KCNIP4: variants seen among roughly 807,000 people sequenced by gnomAD.
KCNIP4 encodes Kv channel-interacting protein 4.
KCNIP4 carries 12 observed loss-of-function variants against 34.0 expected under a neutral mutation model. The observed-to-expected ratio is 0.35, with a 90% CI of 0.23 to 0.57. The LOEUF is 0.57. Among genes scored for constraint, KCNIP4 ranks in the 20% least tolerant of loss-of-function variants. The probability of loss-of-function intolerance (pLI) is 0.83; values close to 1 mark genes in which losing one functional copy is unlikely to be tolerated. For missense variants in KCNIP4, 238 were observed against 311.7 expected (o/e 0.76, Z 1.78); for synonymous variants, 124 against 102.2 (o/e 1.21, Z -1.29).
intron 1 of KCNIP4, among the ~76,000 whole-genome samples, chr4:21,774,338 A>T (rs1719028524): frequency 6.6e-6 from 1 of 152,138 alleles, no homozygotes; most frequent in Non-Finnish European, 1.5e-5. Context: ...TTTGGAGGTG[A>T]CTTGGCCTTT....
chr4:21,141,155 A>G (rs1751920627), intron 1 of KCNIP4, among the ~76,000 whole-genome samples: 2 of 152,228 alleles, frequency 1.3e-5, no homozygotes, highest in African/African-American at 4.8e-5. Flanking sequence ...GAAGAGATGC[A>G]CATACCTTAG....
chr4:20,758,820 C>G lies in KCNIP4; in HGVS notation c.358+1G>C. 1 of 1,610,290 alleles carries G rather than the reference C, an allele frequency of 6.2e-7. No homozygotes were observed. Among genetic ancestry groups the G allele is most frequent in the Non-Finnish European group, 8.5e-7 (1 of 1,176,792 alleles). On this transcript the variant is annotated splice_donor_variant, in intron 4 of 8. Coordinates refer to ENST00000382152, the MANE Select transcript of KCNIP4 (RefSeq NM_025221.6). LOFTEE classifies it high-confidence loss of function. ...GTTAACAAGTCCACATTTGTACTTA[C>G]CTCCCTGTGGAAAGAACTGCGAGTA...
intron 1 of KCNIP4, among the ~76,000 whole-genome samples, chr4:21,239,446 G>C (rs576854291): frequency 5.9e-5 from 9 of 151,522 alleles, no homozygotes; most frequent in Non-Finnish European, 8.8e-5. Context: ...GCAACCTACA[G>C]AATGGGAGAA....
intron 1 of KCNIP4, among the ~76,000 whole-genome samples, chr4:20,923,799 G>C (rs967055747): frequency 6.6e-6 from 1 of 152,106 alleles, no homozygotes; most frequent in Non-Finnish European, 1.5e-5. Flanking sequence ...ATCTTTAGGG[G>C]AAGAAAAGAG....
At chr4:21,130,035 G>T (rs6837150) in intron 1 of KCNIP4, among the ~76,000 whole-genome samples, 76,271 of 151,776 alleles carry the variant, frequency 0.5, 20,083 homozygotes, top group African/African-American at 0.66. Context: ...ATTTTCTCCC[G>T]GCAAAACGTT....
chr4:20,867,647 T>C (rs933103277), intron 2 of KCNIP4, among the ~76,000 whole-genome samples: 1 of 152,082 alleles, frequency 6.6e-6, no homozygotes, highest in African/African-American at 2.4e-5. Flanking sequence ...CCAAAAACAA[T>C]TGTAACAAAA....
At chr4:21,283,215 T>C (rs2109175995) in intron 1 of KCNIP4, among the ~76,000 whole-genome samples, 1 of 152,308 alleles carries the variant, frequency 6.6e-6, no homozygotes, top group South Asian at 2.1e-4. Flanking sequence ...GGGATCTTAT[T>C]TGGATGAAAG....
chr4:21,487,151 C>A (rs1731989342), intron 1 of KCNIP4, among the ~76,000 whole-genome samples: 1 of 151,964 alleles, frequency 6.6e-6, no homozygotes, highest in Non-Finnish European at 1.5e-5. Context: ...CTTTTCTGTT[C>A]CAGGATCCCA....
chr4:20,868,805 A>G (rs1039093918), intron 2 of KCNIP4, among the ~76,000 whole-genome samples: 2 of 152,132 alleles, frequency 1.3e-5, no homozygotes, highest in African/African-American at 4.8e-5. Context: ...GGAAATAAAT[A>G]TGGGAACAGT....
intron 1 of KCNIP4, among the ~76,000 whole-genome samples, chr4:21,058,693 A>G (rs1258684996): frequency 1.3e-5 from 2 of 152,122 alleles, no homozygotes; most frequent in Non-Finnish European, 2.9e-5. Flanking sequence ...AATTTTAACC[A>G]TTCTTTGATA....
chr4:21,929,620 C>T (rs1306911150), intron 1 of KCNIP4, among the ~76,000 whole-genome samples: 1 of 152,112 alleles, frequency 6.6e-6, no homozygotes, highest in African/African-American at 2.4e-5. Context: ...ATGAACCCGC[C>T]AGTAGTTACT....
At chr4:21,852,950 C>T (rs993870895) in intron 1 of KCNIP4, 3 of 152,094 alleles carry the variant, frequency 2.0e-5, no homozygotes, top group Non-Finnish European at 2.9e-5. Flanking sequence ...GTGATAAGTA[C>T]CTTAGAGAAA....
chr4:20,826,297 G>A (rs958430764), intron 3 of KCNIP4, among the ~76,000 whole-genome samples: 17 of 152,120 alleles, frequency 1.1e-4, no homozygotes, highest in African/African-American at 1.7e-4. Context: ...TAGAGACTCC[G>A]GCCATTGTGG....
intron 1 of KCNIP4, among the ~76,000 whole-genome samples, chr4:21,275,750 A>T (rs1007643933): frequency 1.3e-5 from 2 of 152,146 alleles, no homozygotes; most frequent in African/African-American, 4.8e-5. Flanking sequence ...GAAATAAGAT[A>T]CTTCAAGGTT....
At chr4:21,347,860 T>C (rs578025022) in intron 1 of KCNIP4, among the ~76,000 whole-genome samples, 29 of 152,120 alleles carry the variant, frequency 1.9e-4, no homozygotes, top group Non-Finnish European at 3.4e-4. Context: ...ATCCAAGCTA[T>C]GCCATGAGAA....
chr4:21,173,363 A>G (rs1754157287), intron 1 of KCNIP4, among the ~76,000 whole-genome samples: 1 of 152,156 alleles, frequency 6.6e-6, no homozygotes, highest in South Asian at 2.1e-4. Flanking sequence ...ATATCACGTG[A>G]GTAGTAAGCA....
intron 1 of KCNIP4, among the ~76,000 whole-genome samples, chr4:21,669,046 G>A (rs1052600097): frequency 1.3e-5 from 2 of 152,124 alleles, no homozygotes; most frequent in Non-Finnish European, 2.9e-5. Flanking sequence ...AGACAATCAA[G>A]AGGAATACTT....
At chr4:21,808,784 G>T (rs555334828) in intron 1 of KCNIP4, among the ~76,000 whole-genome samples, 78 of 152,198 alleles carry the variant, frequency 5.1e-4, no homozygotes, top group Non-Finnish European at 9.3e-4. Context: ...GATTCCATTA[G>T]CTCCAAATCT....
chr4:20,763,538 T>C (rs1285009536), intron 3 of KCNIP4, among the ~76,000 whole-genome samples: 2 of 152,212 alleles, frequency 1.3e-5, no homozygotes, highest in African/African-American at 4.8e-5. Flanking sequence ...ATTCTCATTT[T>C]TTTTGTTGTT....
Sources: gnomAD v4.1 joint callset for allele counts (sites outside exome capture counted in the v4.1 genomes callset) on GRCh38, gnomAD v4.1.1 for gene constraint, MANE v1.5 for transcripts, NCBI Gene and HGNC (gene_info 2026-07-23, HGNC 2026-07-21) for gene names.